DNAH3: variants seen among roughly 807,000 people sequenced by gnomAD.
DNAH3 encodes the protein axonemal beta dynein heavy chain 3.
DNAH3 carries 332 observed loss-of-function variants against 432.5 expected under a neutral mutation model. That is an observed-to-expected ratio of 0.77 (90% confidence interval 0.70 to 0.84). The LOEUF (loss-of-function observed/expected upper bound fraction) is 0.84. DNAH3 is among the 40% of genes least tolerant of loss of function. The probability of loss-of-function intolerance (pLI) is 0.00; values close to 1 mark genes in which losing one functional copy is unlikely to be tolerated. For synonymous variants in DNAH3, 1,956 were observed against 1,900.2 expected (o/e 1.03, Z -0.76); for missense variants, 4,861 against 5,114.0 (o/e 0.95, Z 1.51).
chr16:21,073,449 T>G (rs1377080665), intron 21 of DNAH3, among the ~76,000 whole-genome samples: 1 of 152,174 alleles, frequency 6.6e-6, no homozygotes, highest in African/African-American at 2.4e-5. Flanking sequence ...TGGGTCACCC[T>G]TGCTGGGAGA....
At chr16:21,051,718 C>T in exon 29 of DNAH3, 2 of 1,613,842 alleles carry the variant, frequency 1.2e-6, no homozygotes, top group Non-Finnish European at 1.7e-6. Flanking sequence ...GGGGGAGTTT[C>T]CCAGGTACTC....
intron 41 of DNAH3, among the ~76,000 whole-genome samples, chr16:21,006,558 A>C (rs2087311832): frequency 6.6e-6 from 1 of 151,988 alleles, no homozygotes; most frequent in Non-Finnish European, 1.5e-5. Context: ...TCCCTCTCCC[A>C]CCCACTTCAT....
rs139957546 is a variant in DNAH3, at chr16:21,154,808, G to C, written c.117+4517C>G. Reference sequence around the variant, plus strand: ...AATCTGAGGAAAGGTGGAAAATAAAGTATCTGCCAAAGAGAGTGAAAGTGA... The same window carrying C: ...AATCTGAGGAAAGGTGGAAAATAAACTATCTGCCAAAGAGAGTGAAAGTGA... On this transcript the variant is annotated intron_variant, in intron 1 of 61. Coordinates refer to ENST00000261383, the Ensembl canonical transcript of DNAH3. Among the ~76,000 whole-genome samples, 37 of 152,288 alleles carry C rather than the reference G, an allele frequency of 2.4e-4. No homozygotes were observed. In the East Asian group the frequency reaches 5.8e-3, roughly 24 times the overall value.
At chr16:21,010,766 A>G (rs2087554730) in intron 41 of DNAH3, among the ~76,000 whole-genome samples, 1 of 152,046 alleles carries the variant, frequency 6.6e-6, no homozygotes, top group Non-Finnish European at 1.5e-5. Flanking sequence ...GTTATAAGAA[A>G]GTACAGGGTC....
intron 36 of DNAH3, among the ~76,000 whole-genome samples, chr16:21,032,498 T>C (rs2088935881): frequency 6.6e-6 from 1 of 152,152 alleles, no homozygotes; most frequent in East Asian, 1.9e-4. Flanking sequence ...GTTGAAGTGC[T>C]TGAGTCATGA....
chr16:20,987,062 T>A (rs1219094523), intron 47 of DNAH3, among the ~76,000 whole-genome samples: 6 of 152,190 alleles, frequency 3.9e-5, no homozygotes, highest in African/African-American at 1.4e-4. Context: ...TATAATGAAC[T>A]TAAAATGCAT....
At position 21,097,414 on chromosome 16, in the gene DNAH3, T is replaced by A. The variant is rs1181351384; in HGVS notation, c.2606A>T (p.Tyr869Phe). The change falls in exon 18 of 62, where the codon TAT (tyrosine) becomes TTT (phenylalanine). Residue 869 changes from tyrosine (Y) to phenylalanine (F), a missense_variant. Physicochemically the swap from Tyr to Phe is conservative, Grantham distance 22 (BLOSUM62 3). Transcript: ENST00000261383. ...ATAGGCTGTCGACCACAGCTGCTCA[T>A]AAGGTACTTTGTTCTTCAGCATGGC... The A allele has an allele frequency of 2.5e-6, 4 of 1,614,066 alleles. No individual in the cohort carries two copies. In the East Asian group the frequency reaches 8.9e-5, roughly 36 times the overall value.
intron 10 of DNAH3, chr16:21,120,870 G>T: frequency 6.3e-7 from 1 of 1,575,510 alleles, no homozygotes; most frequent in Non-Finnish European, 8.7e-7. Context: ...CCCATACATA[G>T]TCATCCAAAT....
At chr16:21,146,207 AAAC>A (rs2092781353) in intron 1 of DNAH3, 119 bp from the exon 3 acceptor site, 1 of 628,028 alleles carries the variant, frequency 1.6e-6, no homozygotes, top group Non-Finnish European at 2.9e-6. Context: ...TCTGGACCTA[AAAC>A]AAAACACTCC....
At chr16:20,943,862 T>C (rs1289308006) in intron 58 of DNAH3, among the ~76,000 whole-genome samples, 5 of 152,048 alleles carry the variant, frequency 3.3e-5, no homozygotes, top group Non-Finnish European at 7.4e-5. Context: ...CATGTGCTTG[T>C]AGTCCCAGCT....
Position 21,058,083 on chromosome 16 carries a change from T to C in DNAH3, c.3924+3A>G. On this transcript the variant is annotated splice_donor_region_variant and intron_variant, in intron 27 of 61. Coordinates refer to ENST00000261383, the Ensembl canonical transcript of DNAH3. ...TCTGTAACTTTGCAGCAAGTTCACT[T>C]ACCAGTAAGGTATTTTCCGCCAGGG... 1 of 1,547,786 alleles carries C rather than the reference T, an allele frequency of 6.5e-7. No individual in the cohort carries two copies. Among genetic ancestry groups the C allele is most frequent in the Admixed American group, 1.7e-5 (1 of 59,850 alleles).
intron 51 of DNAH3, among the ~76,000 whole-genome samples, chr16:20,972,527 C>G (rs2085388828): frequency 1.3e-5 from 2 of 152,076 alleles, no homozygotes; most frequent in South Asian, 2.1e-4. Flanking sequence ...CATGACCCAT[C>G]ATGGCTGGCC....
At chr16:21,088,737 G>T (rs984760274) in intron 18 of DNAH3, among the ~76,000 whole-genome samples, 2 of 152,184 alleles carry the variant, frequency 1.3e-5, no homozygotes, top group African/African-American at 2.4e-5. Context: ...AGTCAACTCA[G>T]TCAAGATTCA....
At chr16:20,973,155 G>T (rs1316445660) in intron 51 of DNAH3, among the ~76,000 whole-genome samples, 4 of 151,928 alleles carry the variant, frequency 2.6e-5, no homozygotes, top group African/African-American at 2.4e-5. Flanking sequence ...TAAGTGCCAT[G>T]AACCTTGGCT....
At chr16:21,149,899 C>T (rs114880065) in intron 1 of DNAH3, among the ~76,000 whole-genome samples, 1,715 of 152,236 alleles carry the variant, frequency 0.011, 47 homozygotes, top group African/African-American at 0.04. Context: ...TGCCAATTGG[C>T]CCTCTTCCCA....
intron 1 of DNAH3, chr16:21,150,452 A>G (rs1312777464): frequency 4.2e-5 from 16 of 381,528 alleles, no homozygotes; most frequent in South Asian, 3.0e-4. Flanking sequence ...GACACCAACA[A>G]TGGAACTTTC....
At chr16:20,966,997 A>AT (rs781640568) in intron 52 of DNAH3, among the ~76,000 whole-genome samples, 1 of 152,184 alleles carries the variant, frequency 6.6e-6, no homozygotes, top group Non-Finnish European at 1.5e-5. Context: ...CTGTTGACAC[A>AT]TTGGAAAAAA....
chr16:20,942,243 T>C (rs545669018), intron 58 of DNAH3, among the ~76,000 whole-genome samples: 1 of 152,264 alleles, frequency 6.6e-6, no homozygotes, highest in South Asian at 2.1e-4. Flanking sequence ...TAGCTCCTGG[T>C]GCCATGGGGC....
intron 41 of DNAH3, among the ~76,000 whole-genome samples, chr16:21,017,503 C>T (rs2152707565): frequency 6.6e-6 from 1 of 152,280 alleles, no homozygotes; most frequent in South Asian, 2.1e-4. Flanking sequence ...TGGAAGTCCC[C>T]TCCCCACTTC....
Sources: gnomAD v4.1 joint callset for allele counts (sites outside exome capture counted in the v4.1 genomes callset) on GRCh38, gnomAD v4.1.1 for gene constraint, MANE v1.5 for transcripts, NCBI Gene and HGNC (gene_info 2026-07-23, HGNC 2026-07-21) for gene names.